Variants in OPHN1 observed in about 807,000 individuals in gnomAD.
OPHN1 encodes the protein oligophrenin-1.
In OPHN1, 11 loss-of-function variants were observed where a neutral mutation model predicts 60.7. That is an observed-to-expected ratio of 0.18 (90% CI 0.11 to 0.30). The LOEUF (loss-of-function observed/expected upper bound fraction) is 0.30. Among genes scored for constraint, OPHN1 ranks in the 10% least tolerant of loss-of-function variants. The pLI is 1.00. For missense variants in OPHN1, 449 were observed against 611.0 expected, an observed-to-expected ratio of 0.73 and a Z score of 2.80; for synonymous variants, 226 against 222.6, an observed-to-expected ratio of 1.02 and a Z score of -0.14.
chrX:68,201,962 G>C lies in OPHN1; in HGVS notation c.934-252C>G, dbSNP rs16990544. ...AGAGTCATCCAGCACTCTTTCCCAA[G>C]ACGGAAGACTTAATAGGAAGCTCAA... On this transcript the variant is annotated intron_variant, in intron 10 of 24. Coordinates refer to ENST00000355520, the MANE Select transcript of OPHN1 (RefSeq NM_002547.3). Among the ~76,000 whole-genome samples the C allele has an allele frequency of 6.6e-3, 739 of 112,084 alleles. 7 individuals are homozygous for C. Among genetic ancestry groups the C allele is most frequent in the African/African-American group, 0.023 (710 of 30,863 alleles).
At chrX:68,276,672 C>A (rs1222591453) in intron 4 of OPHN1, among the ~76,000 whole-genome samples, 1 of 111,175 alleles carries the variant, frequency 9.0e-6, no homozygotes, top group Non-Finnish European at 1.9e-5. Flanking sequence ...AGGTCTATGT[C>A]CCCTCTACCT....
At chrX:68,268,324 A>C (rs2077944809) in intron 5 of OPHN1, among the ~76,000 whole-genome samples, 1 of 111,800 alleles carries the variant, frequency 8.9e-6, no homozygotes, top group South Asian at 3.8e-4. Flanking sequence ...TGATGAACGT[A>C]AATGCAAAAA....
At chrX:68,111,627 C>A (rs1030952600) in intron 18 of OPHN1, among the ~76,000 whole-genome samples, 1 of 111,973 alleles carries the variant, frequency 8.9e-6, no homozygotes, top group African/African-American at 3.2e-5. Context: ...GTCCACCCCA[C>A]TCTACCTTGC....
In OPHN1 at chrX:68,073,395, T is replaced by A. The variant is rs1407338127; in HGVS notation, c.1687-96A>T. 2.0e-5 allele frequency: 15 copies of A among 754,449 alleles called. No individual in the cohort carries two copies. In the African/African-American group the frequency reaches 2.7e-4, roughly 14 times the overall value. 62.2% of individuals were successfully genotyped at this position (754,449 alleles called of 1,213,427 possible). A position where few individuals can be genotyped will look rare whatever the true frequency, so the allele number is the denominator to read the frequency against. The stretch of plus-strand genomic sequence containing the variant: ...AGTTGATGCTTGTTGGCCTTATATC[T>A]AGAGTTTGTAACGTGAATACTAACA... On this transcript the variant is annotated intron_variant, in intron 19 of 24. Coordinates refer to ENST00000355520, the MANE Select transcript of OPHN1 (RefSeq NM_002547.3).
chrX:68,306,106 A>G (rs1391072696), intron 2 of OPHN1, among the ~76,000 whole-genome samples: 1 of 112,450 alleles, frequency 8.9e-6, no homozygotes, highest in Non-Finnish European at 1.9e-5. Flanking sequence ...GATAGTTCTC[A>G]GTCATATTTC....
intron 19 of OPHN1, among the ~76,000 whole-genome samples, chrX:68,078,577 C>T (rs2076962133): frequency 9.0e-6 from 1 of 111,548 alleles, no homozygotes; most frequent in Admixed American, 9.5e-5. Context: ...TATTATTTCC[C>T]TTTGCTCAGT....
At chrX:68,102,037 G>C (rs924844720) in intron 18 of OPHN1, 1 of 112,287 alleles carries the variant, frequency 8.9e-6, no homozygotes, top group Non-Finnish European at 1.9e-5. Context: ...GTCTTCTCTT[G>C]TTGGTAAAAC....
intron 2 of OPHN1, among the ~76,000 whole-genome samples, chrX:68,406,887 T>C (rs1000680614): frequency 8.9e-6 from 1 of 112,370 alleles, no homozygotes; most frequent in African/African-American, 3.2e-5. Flanking sequence ...TTTGAAATTA[T>C]TTCAAAATAA....
intron 1 of OPHN1, 56 bp from the exon 2 acceptor site, chrX:68,433,080 G>A: frequency 1.8e-6 from 2 of 1,096,700 alleles, no homozygotes; most frequent in Non-Finnish European, 2.4e-6. Context: ...GAGCATCAAT[G>A]GCACAGTAGA....
intron 19 of OPHN1, among the ~76,000 whole-genome samples, chrX:68,089,148 T>A (rs2077006702): frequency 9.0e-6 from 1 of 111,628 alleles, no homozygotes; most frequent in Non-Finnish European, 1.9e-5. Context: ...GCTTTAAGTC[T>A]AGCTGCCAAA....
At chrX:68,284,483 G>A (rs1020012613) in intron 3 of OPHN1, among the ~76,000 whole-genome samples, 1 of 110,645 alleles carries the variant, frequency 9.0e-6, no homozygotes, top group African/African-American at 3.3e-5. Context: ...GCAGAACCAT[G>A]AGCCAAATAA....
chrX:68,217,225 T>G (rs1343612446), intron 6 of OPHN1, among the ~76,000 whole-genome samples: 1 of 112,043 alleles, frequency 8.9e-6, no homozygotes, highest in African/African-American at 3.2e-5. Context: ...TCCGACGGGC[T>G]TAAAAAACGG....
At chrX:68,349,198 C>A (rs759745170) in intron 2 of OPHN1, among the ~76,000 whole-genome samples, 1 of 110,146 alleles carries the variant, frequency 9.1e-6, no homozygotes, top group East Asian at 2.9e-4. Context: ...AGAACCTAAA[C>A]AAATTAACAA....
At chrX:68,366,471 G>A (rs73539220) in intron 2 of OPHN1, among the ~76,000 whole-genome samples, 1,219 of 110,354 alleles carry the variant, frequency 0.011, 18 homozygotes, top group African/African-American at 0.039. Flanking sequence ...TGGAACTACA[G>A]GTGTTCACCA....
At chrX:68,309,059 T>C (rs2078160426) in intron 2 of OPHN1, among the ~76,000 whole-genome samples, 1 of 111,614 alleles carries the variant, frequency 9.0e-6, no homozygotes, top group Non-Finnish European at 1.9e-5. Context: ...AGTGTTGGGA[T>C]TACAAGTGTG....
chrX:68,319,953 G>C (rs771140476), intron 2 of OPHN1, among the ~76,000 whole-genome samples: 1 of 109,646 alleles, frequency 9.1e-6, no homozygotes, highest in East Asian at 2.9e-4. Flanking sequence ...AACAGAAAAC[G>C]GGCAACAGAT....
intron 21 of OPHN1, among the ~76,000 whole-genome samples, chrX:68,056,690 T>A (rs1192020587): frequency 9.0e-6 from 1 of 111,368 alleles, no homozygotes; most frequent in Non-Finnish European, 1.9e-5. Flanking sequence ...ATGTTTACAA[T>A]AAGCTTGAGA....
chrX:68,088,386 T>C (rs1238187105), intron 19 of OPHN1, among the ~76,000 whole-genome samples: 18 of 111,933 alleles, frequency 1.6e-4, no homozygotes, highest in African/African-American at 5.8e-4. Context: ...CATCTCTATC[T>C]ACTCAGCATG....
intron 15 of OPHN1, among the ~76,000 whole-genome samples, chrX:68,138,074 A>T (rs2077228285): frequency 8.9e-6 from 1 of 112,059 alleles, no homozygotes; most frequent in South Asian, 3.8e-4. Context: ...CCAAGGACAG[A>T]TCATATAACA....
Sources: gnomAD v4.1 joint callset for allele counts (sites outside exome capture counted in the v4.1 genomes callset) on GRCh38, gnomAD v4.1.1 for gene constraint, MANE v1.5 for transcripts, NCBI Gene and HGNC (gene_info 2026-07-23, HGNC 2026-07-21) for gene names.